BCR: variants seen among roughly 807,000 people sequenced by gnomAD.
BCR encodes the protein BCR activator of RhoGEF and GTPase.
BCR carries 58 observed loss-of-function variants against 138.6 expected under a neutral mutation model. The observed-to-expected ratio is 0.42, with a 90% CI of 0.34 to 0.52. BCR has a LOEUF of 0.52. Among genes scored for constraint, BCR ranks in the 20% least tolerant of loss-of-function variants. The pLI is 0.06. For synonymous variants in BCR, 786 were observed against 730.1 expected (o/e 1.08, Z -1.23); for missense variants, 1,599 against 1,727.2 (o/e 0.93, Z 1.32).
intron 6 of BCR, among the ~76,000 whole-genome samples, chr22:23,271,961 G>T (rs1372058372): frequency 6.6e-6 from 1 of 151,920 alleles, no homozygotes; most frequent in Non-Finnish European, 1.5e-5. Flanking sequence ...GAGTAGCTGG[G>T]ATTACAGGCA....
At chr22:23,301,814 G>A (rs1039678853) in intron 16 of BCR, among the ~76,000 whole-genome samples, 5 of 152,204 alleles carry the variant, frequency 3.3e-5, no homozygotes, top group Middle Eastern at 3.2e-3. Context: ...GTGGCACAGC[G>A]GGTTCCTGGT....
intron 2 of BCR, among the ~76,000 whole-genome samples, chr22:23,259,292 C>G (rs1159074108): frequency 6.6e-6 from 1 of 152,214 alleles, no homozygotes; most frequent in Non-Finnish European, 1.5e-5. Flanking sequence ...TCGGGCCCCT[C>G]TCCTGGGCTT....
chr22:23,315,079 C>G (rs2330379), intron 22 of BCR, among the ~76,000 whole-genome samples: 19,913 of 152,020 alleles, frequency 0.13, 1,369 homozygotes, highest in Admixed American at 0.15. Flanking sequence ...GAAAAATTAG[C>G]CAGGCATTGT....
intron 1 of BCR, among the ~76,000 whole-genome samples, chr22:23,183,655 T>A (rs900178810): frequency 2.0e-5 from 3 of 152,246 alleles, no homozygotes; most frequent in African/African-American, 4.8e-5. Context: ...CAGCCTTGTC[T>A]GGCCAGCTGT....
At chr22:23,280,353 C>G (rs1201306901) in intron 8 of BCR, among the ~76,000 whole-genome samples, 1 of 152,230 alleles carries the variant, frequency 6.6e-6, no homozygotes, top group African/African-American at 2.4e-5. Context: ...CCTCAGAAGA[C>G]AGGGCACATA....
chr22:23,210,570 A>G (rs180752636), intron 1 of BCR, among the ~76,000 whole-genome samples: 86 of 152,312 alleles, frequency 5.6e-4, no homozygotes, highest in Non-Finnish European at 1.0e-3. Flanking sequence ...AGCGTTCTGT[A>G]GCCATTACCT....
chr22:23,186,715 T>C (rs1469962370), intron 1 of BCR, among the ~76,000 whole-genome samples: 1 of 152,144 alleles, frequency 6.6e-6, no homozygotes, highest in Non-Finnish European at 1.5e-5. Flanking sequence ...ATGGCAGAAA[T>C]TGTGTGGATT....
At chr22:23,265,268 A>G (rs909301766) in intron 4 of BCR, among the ~76,000 whole-genome samples, 1 of 152,244 alleles carries the variant, frequency 6.6e-6, no homozygotes, top group Admixed American at 6.5e-5. Context: ...TGCAGTGGGA[A>G]GTTGTTCCCC....
In BCR at chr22:23,181,515, G is replaced by A. The variant is rs200215919; in HGVS notation, c.555G>A (p.Glu185=). The change falls in exon 1 of 23, where the codon GAG becomes GAA. Residue 185 remains glutamate, a synonymous_variant. Coordinates refer to ENST00000305877, the MANE Select transcript of BCR (RefSeq NM_004327.4). ...PFYVNVEFHH[E]RGLVKVNDKE... is the part of the protein sequence containing the mutation. ...ACGTGAACGTCGAGTTTCACCACGA[G>A]CGCGGCCTGGTGAAGGTCAACGACA... is the stretch of plus-strand genomic sequence containing the variant. The A allele has an allele frequency of 5.6e-6, 9 of 1,612,586 alleles. No homozygotes were observed. Among genetic ancestry groups the A allele is most frequent in the Non-Finnish European group, 7.6e-6 (9 of 1,179,746 alleles).
intron 1 of BCR, chr22:23,198,493 C>A: frequency 3.4e-6 from 1 of 296,612 alleles, no homozygotes; most frequent in South Asian, 2.7e-5. Flanking sequence ...GGGGTCCAGT[C>A]CATGGGCCTG....
intron 1 of BCR, among the ~76,000 whole-genome samples, chr22:23,207,994 A>C (rs142028171): frequency 0.013 from 1,982 of 152,288 alleles, 34 homozygotes; most frequent in African/African-American, 0.043. Flanking sequence ...TGGCTGAGGC[A>C]GGTGTGCCCA....
In BCR at chr22:23,293,434, C is replaced by T. The variant is rs545713905; in HGVS notation, c.2880+796C>T. Among the ~76,000 whole-genome samples the T allele has an allele frequency of 4.6e-4, 70 of 152,266 alleles. 1 individual carries two copies. The highest frequency in any genetic ancestry group is 3.4e-3 in the Middle Eastern group (1 of 294). On this transcript the variant is annotated intron_variant, in intron 15 of 22. Coordinates refer to ENST00000305877, the MANE Select transcript of BCR (RefSeq NM_004327.4). ...AGGTCTCCTTTCTCAGCATCCACTA[C>T]TCTTTGATCATTTTAGACATGTTGC... is the stretch of plus-strand genomic sequence containing the variant.
At chr22:23,206,494 A>G (rs1020915551) in intron 1 of BCR, among the ~76,000 whole-genome samples, 16 of 151,838 alleles carry the variant, frequency 1.1e-4, no homozygotes, top group South Asian at 6.2e-4. Flanking sequence ...GGAGAATGGC[A>G]TGAACCCAGG....
At chr22:23,190,893 C>T (rs1242781150) in intron 1 of BCR, among the ~76,000 whole-genome samples, 6 of 152,034 alleles carry the variant, frequency 3.9e-5, no homozygotes, top group African/African-American at 9.7e-5. Context: ...AAGGTTCTTT[C>T]GTTAGCTTCT....
chr22:23,274,047 G>A (rs1000445723), intron 8 of BCR, among the ~76,000 whole-genome samples: 13 of 152,028 alleles, frequency 8.6e-5, no homozygotes, highest in Non-Finnish European at 1.5e-4. Context: ...GTTGTGTCCA[G>A]GGACCCCTTT....
At chr22:23,299,403 A>G (rs992762006) in intron 16 of BCR, among the ~76,000 whole-genome samples, 15 of 152,170 alleles carry the variant, frequency 9.9e-5, no homozygotes, top group Non-Finnish European at 1.9e-4. Context: ...GCACGGGTGA[A>G]TGGCTGTGTG....
At chr22:23,298,281 G>A (rs1047196592) in intron 16 of BCR, among the ~76,000 whole-genome samples, 4 of 152,342 alleles carry the variant, frequency 2.6e-5, no homozygotes, top group East Asian at 1.9e-4. Flanking sequence ...GGGGGATGGC[G>A]TGGGGTGAGG....
chr22:23,274,838 G>C (rs1455535879), intron 8 of BCR, among the ~76,000 whole-genome samples: 1 of 148,526 alleles, frequency 6.7e-6, no homozygotes, highest in Non-Finnish European at 1.5e-5. Flanking sequence ...AACCCAGGAG[G>C]CGGAGTTTGC....
Position 23,285,131 on chromosome 22 carries a change from T to C in BCR, c.2336T>C (p.Val779Ala), listed in dbSNP as rs539432512. ...ELEAVPNIPL[V>A]PDEELDALKI... is the part of the protein sequence containing the mutation. ...GAGGCAGTGCCCAACATCCCCCTGG[T>C]GCCCGATGAGGAGCTGGACGCTTTG... The change falls in exon 10 of 23, where the codon GTG (valine) becomes GCG (alanine). Residue 779 changes from valine (V) to alanine (A), a missense_variant. Around this residue, in one of 4 missense-constraint regions of BCR, gnomAD observed 590 missense variants for 762.4 expected, o/e 0.77. Coordinates refer to ENST00000305877, the MANE Select transcript of BCR (RefSeq NM_004327.4). 2.6e-5 allele frequency: 42 copies of C among 1,614,058 alleles called. No individual in the cohort carries two copies. In the South Asian group the frequency reaches 4.6e-4, roughly 18 times the overall value.
Sources: gnomAD v4.1 joint callset for allele counts (sites outside exome capture counted in the v4.1 genomes callset) on GRCh38, gnomAD v4.1.1 for gene constraint, gnomAD v4.1.1 regional missense constraint, MANE v1.5 for transcripts, NCBI Gene and HGNC (gene_info 2026-07-23, HGNC 2026-07-21) for gene names.